COBL: variants seen among roughly 807,000 people sequenced by gnomAD.
COBL encodes protein cordon-bleu.
In COBL, 51 loss-of-function variants were observed where a neutral mutation model predicts 98.8. The observed-to-expected ratio is 0.52, with a 90% CI of 0.41 to 0.65. The LOEUF is 0.65. Ranked by LOEUF, COBL falls within the 30% of genes least tolerant of loss-of-function variation. The probability of loss-of-function intolerance (pLI) is 0.00; values close to 1 mark genes in which losing one functional copy is unlikely to be tolerated. For synonymous variants in COBL, 634 were observed against 651.7 expected (o/e 0.97, Z 0.41); for missense variants, 1,617 against 1,617.5 (o/e 1.00, Z 0.01).
chr7:51,204,731 C>T (rs962361288), intron 2 of COBL, among the ~76,000 whole-genome samples: 2 of 151,744 alleles, frequency 1.3e-5, no homozygotes, highest in African/African-American at 4.8e-5. Flanking sequence ...TTGTATTTTT[C>T]GTAGAGACAG....
intron 5 of COBL, among the ~76,000 whole-genome samples, chr7:51,167,002 G>C (rs1034486267): frequency 1.3e-5 from 2 of 152,122 alleles, no homozygotes; most frequent in Non-Finnish European, 2.9e-5. Flanking sequence ...GTATCTTACT[G>C]AATGGAGAAA....
intron 1 of COBL, among the ~76,000 whole-genome samples, chr7:51,272,563 C>A (rs1041228360): frequency 6.6e-6 from 1 of 152,108 alleles, no homozygotes; most frequent in African/African-American, 2.4e-5. Context: ...AAGGAAAATT[C>A]AGAATATTGG....
At chr7:51,095,249 A>T (rs576910716) in intron 6 of COBL, among the ~76,000 whole-genome samples, 1 of 152,154 alleles carries the variant, frequency 6.6e-6, no homozygotes, top group Admixed American at 6.5e-5. Context: ...AAACCATCAG[A>T]TCTCATGGGA....
At chr7:51,247,228 T>C (rs905708797) in intron 1 of COBL, among the ~76,000 whole-genome samples, 13 of 152,124 alleles carry the variant, frequency 8.5e-5, no homozygotes, top group African/African-American at 2.9e-4. Context: ...CCAATTGGGA[T>C]TGGCCCTAAC....
intron 1 of COBL, among the ~76,000 whole-genome samples, chr7:51,228,728 T>C (rs1274130444): frequency 6.6e-6 from 1 of 152,118 alleles, no homozygotes; most frequent in East Asian, 1.9e-4. Flanking sequence ...GAGGAACATT[T>C]GAGAGCCCAG....
At chr7:51,155,770 A>C (rs1349097837) in intron 5 of COBL, among the ~76,000 whole-genome samples, 5 of 152,112 alleles carry the variant, frequency 3.3e-5, no homozygotes, top group Non-Finnish European at 7.4e-5. Flanking sequence ...TAAACAGAAA[A>C]ACGTTATCTG....
In COBL at chr7:51,219,698, G is replaced by A. The variant is rs200228063; in HGVS notation, c.245+43C>T. Reference sequence around the variant, plus strand: ...CCTTTCCATTCTCCCCGCTATACTCGCAAAGTGAGTACAGCGACTCCTCCT... The same window carrying A: ...CCTTTCCATTCTCCCCGCTATACTCACAAAGTGAGTACAGCGACTCCTCCT... On this transcript the variant is annotated intron_variant, in intron 2 of 12. Coordinates refer to ENST00000265136, the MANE Select transcript of COBL (RefSeq NM_015198.5). The A allele has an allele frequency of 2.5e-5, 40 of 1,580,254 alleles. No homozygotes were observed. In the Admixed American group the frequency reaches 2.9e-4, roughly 12 times the overall value.
intron 1 of COBL, among the ~76,000 whole-genome samples, chr7:51,236,389 G>A (rs949831053): frequency 8.5e-5 from 13 of 152,280 alleles, no homozygotes; most frequent in Non-Finnish European, 1.6e-4. Flanking sequence ...CCTCACAGAG[G>A]ACAGGACAGG....
At chr7:51,153,189 T>C (rs1237482962) in intron 5 of COBL, among the ~76,000 whole-genome samples, 1 of 152,232 alleles carries the variant, frequency 6.6e-6, no homozygotes, top group East Asian at 1.9e-4. Flanking sequence ...AAAAAAAAGA[T>C]ACTTTTTTAT....
chr7:51,144,146 G>A (rs754602521), intron 5 of COBL, among the ~76,000 whole-genome samples: 1 of 152,192 alleles, frequency 6.6e-6, no homozygotes, highest in Non-Finnish European at 1.5e-5. Context: ...CACCTGCCAG[G>A]TGCAAAGAGA....
chr7:51,024,661 A>G (rs1289905455), intron 12 of COBL, among the ~76,000 whole-genome samples: 60 of 4,272 alleles, frequency 0.014, no homozygotes, highest in South Asian at 0.071. Context: ...GAGTGAATGA[A>G]TGAATGAATG....
chr7:51,025,775 G>C (rs1787491635), intron 11 of COBL, among the ~76,000 whole-genome samples: 3 of 152,182 alleles, frequency 2.0e-5, no homozygotes, highest in Admixed American at 2.0e-4. Flanking sequence ...CAAAGGTTCT[G>C]AGAGAGCAGC....
At chr7:51,141,256 T>C (rs12719037) in intron 5 of COBL, among the ~76,000 whole-genome samples, 53,509 of 152,112 alleles carry the variant, frequency 0.35, 11,780 homozygotes, top group Non-Finnish European at 0.49. Context: ...GACATGGCTA[T>C]TGAGGAATTC....
At chr7:51,186,082 T>G (rs911419433) in intron 4 of COBL, among the ~76,000 whole-genome samples, 5 of 152,220 alleles carry the variant, frequency 3.3e-5, no homozygotes, top group Non-Finnish European at 7.3e-5. Flanking sequence ...GCTGTAAAGT[T>G]AGTTGCAGCA....
At chr7:51,214,354 G>C (rs985991618) in intron 2 of COBL, among the ~76,000 whole-genome samples, 1 of 152,122 alleles carries the variant, frequency 6.6e-6, no homozygotes, top group Non-Finnish European at 1.5e-5. Context: ...CATGGAGAGA[G>C]GTGATGTGCA....
intron 5 of COBL, among the ~76,000 whole-genome samples, chr7:51,151,091 C>T (rs1229255910): frequency 6.6e-6 from 1 of 152,082 alleles, no homozygotes; most frequent in Non-Finnish European, 1.5e-5. Flanking sequence ...CAGACAAAAA[C>T]ACAGCTCTTT....
At chr7:51,188,480 C>T (rs970771016) in intron 4 of COBL, among the ~76,000 whole-genome samples, 2 of 152,180 alleles carry the variant, frequency 1.3e-5, no homozygotes, top group Admixed American at 6.5e-5. Context: ...TTGGCAGGGA[C>T]GGTAATCAAA....
In COBL at chr7:51,027,699, C is replaced by G; in HGVS notation, c.3384+13G>C. 6.2e-7 allele frequency: 1 copy of G among 1,600,078 alleles called. No individual in the cohort carries two copies. The highest frequency in any genetic ancestry group is 8.5e-7 in the Non-Finnish European group (1 of 1,172,046). On this transcript the variant is annotated intron_variant, in intron 10 of 12. Coordinates refer to ENST00000265136, the MANE Select transcript of COBL (RefSeq NM_015198.5). ...AGGTGTGGAAGGCCTGCCCCGGAAG[C>G]CGCCATCCTCACCTTGCGTAGTCTG...
In COBL at chr7:51,312,519, T is replaced by C. The variant is rs78807726; in HGVS notation, c.41+4074A>G. 1.6e-3 allele frequency among the ~76,000 whole-genome samples: 238 copies of C among 152,284 alleles called. 2 individuals carry two copies. In the East Asian group the frequency reaches 0.041, roughly 27 times the overall value. On this transcript the variant is annotated intron_variant, in intron 1 of 12. Transcript: ENST00000265136. ...TCAATTACAAAATTAAATTTAATCA[T>C]AAATTTATAACAAAGCACAAAAGGC...
Sources: gnomAD v4.1 joint callset for allele counts (sites outside exome capture counted in the v4.1 genomes callset) on GRCh38, gnomAD v4.1.1 for gene constraint, MANE v1.5 for transcripts, NCBI Gene and HGNC (gene_info 2026-07-23, HGNC 2026-07-21) for gene names.